DZIP3: variants seen among roughly 807,000 people sequenced by gnomAD.
DZIP3 encodes the protein DAZ interacting zinc finger protein 3, also known as E3 ubiquitin-protein ligase DZIP3.
DZIP3 carries 118 observed loss-of-function variants against 162.0 expected under a neutral mutation model. The ratio of observed to expected loss-of-function variants is 0.73; its 90% CI spans 0.63 to 0.85. The LOEUF is 0.85. Among genes scored for constraint, DZIP3 ranks in the 40% least tolerant of loss-of-function variants. DZIP3 has a pLI of 0.00. For missense variants in DZIP3, 1,331 were observed against 1,407.0 expected (o/e 0.95, Z 0.86); for synonymous variants, 438 against 458.6 (o/e 0.96, Z 0.57).
intron 17 of DZIP3, 73 bp downstream of exon 17, chr3:108,649,035 CTT>C (rs1265369254): frequency 1.1e-6 from 1 of 907,448 alleles, no homozygotes; most frequent in African/African-American, 1.8e-5. Flanking sequence ...ATTGTTAGAA[CTT>C]AAATTAGTTC....
At chr3:108,634,220 G>A (rs1336617304) in intron 9 of DZIP3, among the ~76,000 whole-genome samples, 1 of 152,132 alleles carries the variant, frequency 6.6e-6, no homozygotes, top group African/African-American at 2.4e-5. Context: ...GGCTTGTTCA[G>A]TATTGGTTTA....
chr3:108,666,456 A>G (rs888031585), intron 21 of DZIP3, among the ~76,000 whole-genome samples: 7 of 152,156 alleles, frequency 4.6e-5, no homozygotes, highest in Non-Finnish European at 1.0e-4. Flanking sequence ...TGAACACTTC[A>G]AACTCCACTC....
At chr3:108,685,735 C>A (rs1944475022) in intron 27 of DZIP3, among the ~76,000 whole-genome samples, 1 of 152,026 alleles carries the variant, frequency 6.6e-6, no homozygotes, top group African/African-American at 2.4e-5. Context: ...ACTTTACTTT[C>A]TCGTTATAAA....
At chr3:108,614,389 A>T (rs1357045555) in intron 4 of DZIP3, among the ~76,000 whole-genome samples, 1 of 152,168 alleles carries the variant, frequency 6.6e-6, no homozygotes, top group Non-Finnish European at 1.5e-5. Context: ...AACTTGAAAA[A>T]CTGGACACAT....
chr3:108,620,677 A>G (rs989641331), intron 5 of DZIP3, among the ~76,000 whole-genome samples: 3 of 152,238 alleles, frequency 2.0e-5, no homozygotes, highest in Non-Finnish European at 4.4e-5. Context: ...GTAATTTTGC[A>G]TAGACCATTT....
intron 24 of DZIP3, among the ~76,000 whole-genome samples, chr3:108,674,679 C>T (rs538248779): frequency 6.6e-6 from 1 of 151,704 alleles, no homozygotes; most frequent in African/African-American, 2.4e-5. Flanking sequence ...ACACCTAAAT[C>T]GTATGTTAAA....
intron 19 of DZIP3, among the ~76,000 whole-genome samples, chr3:108,660,948 C>T (rs1167651640): frequency 1.3e-5 from 2 of 152,156 alleles, no homozygotes. Context: ...CCATCTCACA[C>T]CAGTTAGAAT....
chr3:108,642,601 C>T (rs935583021), intron 13 of DZIP3, 87 bp downstream of exon 13: 7 of 1,313,284 alleles, frequency 5.3e-6, no homozygotes, highest in South Asian at 2.9e-5. Flanking sequence ...TTAACAACCA[C>T]GTCTTTACTG....
chr3:108,653,503 G>GTA (rs1386798248), intron 18 of DZIP3, among the ~76,000 whole-genome samples: 73 of 20,046 alleles, frequency 3.6e-3, no homozygotes, highest in African/African-American at 6.5e-3. Flanking sequence ...CATTGTGTGT[G>GTA]TGTGTATATA....
intron 28 of DZIP3, among the ~76,000 whole-genome samples, chr3:108,687,329 G>A (rs911365312): frequency 1.3e-5 from 2 of 152,048 alleles, no homozygotes; most frequent in Non-Finnish European, 2.9e-5. Flanking sequence ...GCATAAGGCT[G>A]ATGACATGAC....
At position 108,677,590 on chromosome 3, in the gene DZIP3, G is replaced by A; in HGVS notation, c.2875G>A (p.Glu959Lys). Residue 959 changes from glutamate to lysine, a missense_variant, in exon 26 of 33, where the codon GAG (glutamate) becomes AAG (lysine). Coordinates refer to ENST00000361582, the MANE Select transcript of DZIP3 (RefSeq NM_014648.4). ...GCTTCCTCCTCCACCACCCAGTCCT[G>A]AGATACTGGTAAGAAATACAACATT... ...VQLPPPPPSP[E>K]ILMQQFLGRP... 1 of 1,611,546 alleles carries A rather than the reference G, an allele frequency of 6.2e-7. No individual in the cohort carries two copies. Among genetic ancestry groups the A allele is most frequent in the Non-Finnish European group, 8.5e-7 (1 of 1,178,190 alleles).
rs1014591309 is a variant in DZIP3 at position 108,631,306 on chromosome 3, T to C, written c.697-1647T>C. ...AAAGAGAGCTTGCATGGGAGGTAAA[T>C]TTTTTGAGACCTTTCAAGTATCAAA... On this transcript the variant is annotated intron_variant, in intron 8 of 32. Coordinates refer to ENST00000361582, the MANE Select transcript of DZIP3 (RefSeq NM_014648.4). Among the ~76,000 whole-genome samples the C allele has an allele frequency of 1.1e-4, 16 of 152,010 alleles. No homozygotes were observed. In the South Asian group the frequency reaches 3.3e-3, roughly 32 times the overall value.
At chr3:108,625,297 A>G (rs1276040291) in intron 6 of DZIP3, among the ~76,000 whole-genome samples, 1 of 152,190 alleles carries the variant, frequency 6.6e-6, no homozygotes, top group African/African-American at 2.4e-5. Flanking sequence ...TATGGGCAAC[A>G]AATCACTTAC....
chr3:108,656,002 C>CA (rs1943097593), intron 19 of DZIP3, among the ~76,000 whole-genome samples: 1 of 152,230 alleles, frequency 6.6e-6, no homozygotes, highest in Admixed American at 6.5e-5. Flanking sequence ...CCGGGAAGCT[C>CA]AAACTGGGTG....
intron 21 of DZIP3, among the ~76,000 whole-genome samples, chr3:108,666,243 A>G (rs1193403323): frequency 1.3e-5 from 2 of 152,154 alleles, no homozygotes; most frequent in African/African-American, 4.8e-5. Context: ...TTATTAAAAA[A>G]AAGTAAGAAT....
intron 19 of DZIP3, among the ~76,000 whole-genome samples, chr3:108,655,404 A>G (rs1419648081): frequency 6.6e-6 from 1 of 152,188 alleles, no homozygotes; most frequent in Admixed American, 6.5e-5. Context: ...CAAGTTACTC[A>G]ATATTTTATC....
At chr3:108,613,117 TTCTAAAAC>T (rs939828737) in intron 4 of DZIP3, among the ~76,000 whole-genome samples, 2 of 152,136 alleles carry the variant, frequency 1.3e-5, no homozygotes, top group African/African-American at 2.4e-5. Flanking sequence ...AAGTAAAACT[TTCTAAAAC>T]TCTATTAAAG....
intron 2 of DZIP3, among the ~76,000 whole-genome samples, chr3:108,607,756 A>T (rs1290951690): frequency 2.0e-5 from 3 of 152,172 alleles, no homozygotes. Flanking sequence ...CACACAAAAC[A>T]TCAACCTTTT....
intron 5 of DZIP3, among the ~76,000 whole-genome samples, chr3:108,616,947 A>G (rs1355471032): frequency 6.6e-6 from 1 of 152,192 alleles, no homozygotes; most frequent in Non-Finnish European, 1.5e-5. Context: ...AGAAACTTGA[A>G]CTAATAGAAA....
Sources: gnomAD v4.1 joint callset for allele counts (sites outside exome capture counted in the v4.1 genomes callset) on GRCh38, gnomAD v4.1.1 for gene constraint, MANE v1.5 for transcripts, NCBI Gene and HGNC (gene_info 2026-07-23, HGNC 2026-07-21) for gene names.